Variants in DOK5 observed in about 807,000 individuals in gnomAD.
The protein encoded by DOK5 is downstream of tyrosine kinase 5.
A neutral mutation model predicts 43.3 loss-of-function variants in DOK5; 27 were observed. That is an observed-to-expected ratio of 0.62 (90% CI 0.46 to 0.86). DOK5 has a LOEUF of 0.86. Ranked by LOEUF, DOK5 falls within the 40% of genes least tolerant of loss-of-function variation. The pLI is 0.00. For missense variants in DOK5, 373 were observed against 392.9 expected (o/e 0.95, Z 0.43); for synonymous variants, 146 against 140.1 (o/e 1.04, Z -0.30).
rs1410313090 is a variant in DOK5 at position 54,547,040 on chromosome 20, T to C, written c.67-7893T>C. Among the ~76,000 whole-genome samples the C allele has an allele frequency of 2.6e-5, 4 of 152,344 alleles. No homozygotes were observed. In the East Asian group the frequency reaches 7.7e-4, roughly 29 times the overall value. The stretch of plus-strand genomic sequence containing the variant: ...TGGAGAGACTTGTCAAACAGATTTC[T>C]ATGAGATCTGAGCTTAAAGAGTTGA... On this transcript the variant is annotated intron_variant, in intron 1 of 7. Coordinates refer to ENST00000262593, the MANE Select transcript of DOK5 (RefSeq NM_018431.5).
chr20:54,643,413 G>C lies in DOK5; in HGVS notation c.736-45G>C, dbSNP rs374140574. On this transcript the variant is annotated intron_variant, in intron 6 of 7. Transcript: ENST00000262593. ...CTGTTTCCTCAGTCAGGCCACTTTC[G>C]GCCCCAGTGTTGCTGACGCACAACT... 70 of 1,605,232 alleles carry C rather than the reference G, an allele frequency of 4.4e-5. No individual in the cohort carries two copies. In the African/African-American group the frequency reaches 7.9e-4, roughly 18 times the overall value.
At chr20:54,490,447 A>G (rs919549947) in intron 1 of DOK5, among the ~76,000 whole-genome samples, 2 of 152,034 alleles carry the variant, frequency 1.3e-5, no homozygotes, top group African/African-American at 4.8e-5. Context: ...AAAATGCTTC[A>G]AGTGTGTCTA....
chr20:54,571,424 C>T (rs767758393), intron 2 of DOK5, among the ~76,000 whole-genome samples: 3 of 152,108 alleles, frequency 2.0e-5, no homozygotes, highest in Non-Finnish European at 4.4e-5. Context: ...AGTGGTGCTT[C>T]TTATAGTTGT....
intron 5 of DOK5, among the ~76,000 whole-genome samples, chr20:54,595,032 G>C (rs1411460063): frequency 6.6e-6 from 1 of 152,072 alleles, no homozygotes; most frequent in Non-Finnish European, 1.5e-5. Flanking sequence ...GTGTGTATGT[G>C]ATGTAATTGT....
chr20:54,598,502 C>T (rs546475446), intron 5 of DOK5, among the ~76,000 whole-genome samples: 39 of 151,264 alleles, frequency 2.6e-4, no homozygotes, highest in Non-Finnish European at 4.7e-4. Context: ...GGCAGGTGTC[C>T]AGTCCCTTTC....
intron 7 of DOK5, among the ~76,000 whole-genome samples, chr20:54,644,705 C>CAAAAAA (rs71196460): frequency 2.6e-4 from 4 of 15,220 alleles, no homozygotes; most frequent in Non-Finnish European, 2.7e-4. Flanking sequence ...GACTCCGTCT[C>CAAAAAA]AAAAAAAAAA....
intron 6 of DOK5, among the ~76,000 whole-genome samples, chr20:54,637,916 A>T (rs1294678454): frequency 1.3e-5 from 2 of 152,110 alleles, no homozygotes; most frequent in Non-Finnish European, 2.9e-5. Flanking sequence ...AGGTCAGGAG[A>T]TCAAGACCAT....
intron 1 of DOK5, among the ~76,000 whole-genome samples, chr20:54,516,882 C>G (rs958685495): frequency 6.6e-6 from 1 of 152,180 alleles, no homozygotes; most frequent in Non-Finnish European, 1.5e-5. Context: ...ATTTATTCTG[C>G]AACACTGAAT....
intron 1 of DOK5, among the ~76,000 whole-genome samples, chr20:54,502,239 G>C (rs60686487): frequency 0.015 from 2,299 of 152,224 alleles, 51 homozygotes; most frequent in African/African-American, 0.052. Context: ...ACATTCATTT[G>C]TGGATCCATG....
chr20:54,579,866 G>T (rs1985581332), intron 2 of DOK5, among the ~76,000 whole-genome samples: 1 of 151,996 alleles, frequency 6.6e-6, no homozygotes, highest in South Asian at 2.1e-4. Flanking sequence ...GTGGTGTGGT[G>T]GTTGGCTGCA....
At chr20:54,583,571 G>T (rs1037338223) in intron 2 of DOK5, among the ~76,000 whole-genome samples, 4 of 151,782 alleles carry the variant, frequency 2.6e-5, no homozygotes, top group African/African-American at 7.3e-5. Flanking sequence ...CTCTGGTATG[G>T]GATACATATA....
At chr20:54,512,978 G>T (rs1435764292) in intron 1 of DOK5, among the ~76,000 whole-genome samples, 1 of 152,188 alleles carries the variant, frequency 6.6e-6, no homozygotes, top group Non-Finnish European at 1.5e-5. Context: ...TCTCACTGAT[G>T]GCTTTTTCCC....
chr20:54,535,717 G>A (rs1191522359), intron 1 of DOK5, among the ~76,000 whole-genome samples: 4 of 152,078 alleles, frequency 2.6e-5, no homozygotes, highest in Admixed American at 6.5e-5. Context: ...CTTCTCCATG[G>A]TATAAAAAGT....
intron 6 of DOK5, among the ~76,000 whole-genome samples, chr20:54,615,076 G>A (rs765823215): frequency 3.9e-5 from 6 of 152,150 alleles, no homozygotes; most frequent in Non-Finnish European, 7.3e-5. Context: ...CTCACTATTA[G>A]GAAGTCCTAA....
intron 1 of DOK5, among the ~76,000 whole-genome samples, chr20:54,519,208 G>A (rs1195357624): frequency 1.3e-5 from 2 of 152,122 alleles, no homozygotes; most frequent in African/African-American, 2.4e-5. Flanking sequence ...AATATATATT[G>A]TGTCTCAGTT....
chr20:54,497,889 A>C (rs1409039651), intron 1 of DOK5, among the ~76,000 whole-genome samples: 1 of 152,218 alleles, frequency 6.6e-6, no homozygotes, highest in East Asian at 1.9e-4. Flanking sequence ...TTGTAATACA[A>C]TGAAAACAAT....
chr20:54,598,093 G>A (rs749698927), intron 5 of DOK5, among the ~76,000 whole-genome samples: 2 of 152,140 alleles, frequency 1.3e-5, no homozygotes, highest in Non-Finnish European at 2.9e-5. Flanking sequence ...TCTTTCCAGG[G>A]CAGCACTATG....
chr20:54,562,473 C>T (rs921557643), intron 2 of DOK5, among the ~76,000 whole-genome samples: 1 of 152,110 alleles, frequency 6.6e-6, no homozygotes, highest in African/African-American at 2.4e-5. Context: ...GGCTAGAGTG[C>T]AGTGGTGCTA....
intron 7 of DOK5, 47 bp downstream of exon 7, chr20:54,643,625 G>A (rs898142550): frequency 1.9e-6 from 3 of 1,581,012 alleles, no homozygotes; most frequent in Non-Finnish European, 2.6e-6. Context: ...AGGCCTGGGA[G>A]TACTGGGGAG....
Sources: gnomAD v4.1 joint callset for allele counts (sites outside exome capture counted in the v4.1 genomes callset) on GRCh38, gnomAD v4.1.1 for gene constraint, MANE v1.5 for transcripts, NCBI Gene and HGNC (gene_info 2026-07-23, HGNC 2026-07-21) for gene names.